Variants in DCAF6 observed in about 807,000 individuals in gnomAD.
The protein encoded by DCAF6 is DDB1- and CUL4-associated factor 6.
Under a neutral mutation model 125.1 loss-of-function variants are expected in DCAF6, and 54 were observed. That is an observed-to-expected ratio of 0.43 (90% CI 0.35 to 0.54). The LOEUF (loss-of-function observed/expected upper bound fraction) is 0.54, where lower values mean the gene tolerates loss of function less well. DCAF6 is among the 20% of genes least tolerant of loss of function. The pLI is 0.01. For synonymous variants in DCAF6, 371 were observed against 390.4 expected (o/e 0.95, Z 0.58); for missense variants, 934 against 1,161.7 (o/e 0.80, Z 2.85).
At chr1:167,973,667 T>C (rs1447337554) in intron 3 of DCAF6, among the ~76,000 whole-genome samples, 1 of 152,184 alleles carries the variant, frequency 6.6e-6, no homozygotes, top group African/African-American at 2.4e-5. Flanking sequence ...ATTTGTTCCA[T>C]GGAGATTTCA....
the DCAF6 span, among the ~76,000 whole-genome samples, chr1:167,895,593 T>A: frequency 1.3e-5 from 2 of 152,246 alleles, no homozygotes; most frequent in Admixed American, 1.3e-4. Context: ...TGACATCCAG[T>A]GGAAGTCGCC....
At chr1:168,035,370 C>T (rs1244610010) in intron 12 of DCAF6, among the ~76,000 whole-genome samples, 1 of 152,144 alleles carries the variant, frequency 6.6e-6, no homozygotes, top group African/African-American at 2.4e-5. Context: ...TCACCTTAGC[C>T]TGGGAAATTG....
At chr1:168,008,486 CA>C (rs139859129) in intron 10 of DCAF6, among the ~76,000 whole-genome samples, 2,298 of 152,186 alleles carry the variant, frequency 0.015, 53 homozygotes, top group African/African-American at 0.051. Context: ...TTCATCTCAC[CA>C]TCATTTCTTG....
the DCAF6 span, among the ~76,000 whole-genome samples, chr1:167,883,258 G>T: frequency 6.6e-6 from 1 of 152,160 alleles, no homozygotes; most frequent in Non-Finnish European, 1.5e-5. Flanking sequence ...GTCTGGTCTT[G>T]AACTCCTGAC....
the DCAF6 span, among the ~76,000 whole-genome samples, chr1:167,868,275 A>T: frequency 1.1e-4 from 17 of 152,338 alleles, no homozygotes; most frequent in Admixed American, 5.2e-4. Context: ...AAGCCCGAGA[A>T]TTAGTGCCTA....
At chr1:167,985,196 T>TGTGTGTGTGTGTGTG (rs897810220) in intron 4 of DCAF6, among the ~76,000 whole-genome samples, 30 of 150,048 alleles carry the variant, frequency 2.0e-4, no homozygotes, top group Middle Eastern at 3.4e-3. Context: ...TGTGTGTGTG[T>TGTGTGTGTGTGTGTG]GTGTGTGTGT....
chr1:167,869,975 C>T, the DCAF6 span, among the ~76,000 whole-genome samples: 2 of 152,156 alleles, frequency 1.3e-5, no homozygotes. Context: ...AACATCTATG[C>T]CAATTGTTCT....
intron 4 of DCAF6, among the ~76,000 whole-genome samples, chr1:167,983,209 G>A (rs1450145419): frequency 6.6e-6 from 1 of 152,124 alleles, no homozygotes; most frequent in Non-Finnish European, 1.5e-5. Flanking sequence ...AAATGATGTT[G>A]GTAGTTTGAT....
At position 168,025,292 on chromosome 1, in the gene DCAF6, A is replaced by T. The variant is rs137882219; in HGVS notation, c.1609+2245A>T. ...TATGATTAACTCCCAGATTTTTTAC[A>T]TCAGTGCCTGGGTAGGGTAAATGAT... On this transcript the variant is annotated intron_variant, in intron 12 of 21. Transcript: ENST00000367840. Among the ~76,000 whole-genome samples, 318 of 152,320 alleles carry T rather than the reference A, an allele frequency of 2.1e-3. 2 individuals carry two copies. The highest frequency in any genetic ancestry group is 7.1e-3 in the African/African-American group (297 of 41,590).
intron 1 of DCAF6, among the ~76,000 whole-genome samples, chr1:167,950,134 G>T (rs1673698277): frequency 6.6e-6 from 1 of 151,944 alleles, no homozygotes; most frequent in Non-Finnish European, 1.5e-5. Context: ...GACTGAAGTG[G>T]CTAGAGCCAT....
At chr1:167,920,419 C>A in the DCAF6 span, 1 of 969,640 alleles carries the variant, frequency 1.0e-6, no homozygotes, top group Non-Finnish European at 1.5e-6. Context: ...ACTTCCTAGA[C>A]ATAATACTGT....
At chr1:168,048,975 G>A (rs1018762249) in intron 16 of DCAF6, among the ~76,000 whole-genome samples, 1 of 152,108 alleles carries the variant, frequency 6.6e-6, no homozygotes, top group Admixed American at 6.6e-5. Context: ...GCCTCTACTG[G>A]CAAAAATCCA....
chr1:167,874,702 C>G, the DCAF6 span, among the ~76,000 whole-genome samples: 1 of 152,114 alleles, frequency 6.6e-6, no homozygotes, highest in Non-Finnish European at 1.5e-5. Context: ...GAACCAAAAA[C>G]TGGAAATAAC....
intron 10 of DCAF6, 80 bp from the exon 11 acceptor site, chr1:168,015,701 C>CT: frequency 8.0e-7 from 1 of 1,246,790 alleles, no homozygotes; most frequent in Non-Finnish European, 1.1e-6. Context: ...TATCCTTCTT[C>CT]TTTTTTAATG....
intron 14 of DCAF6, among the ~76,000 whole-genome samples, chr1:168,044,348 A>G (rs1411708972): frequency 2.0e-5 from 3 of 152,214 alleles, no homozygotes; most frequent in Non-Finnish European, 4.4e-5. Context: ...AAAGGAACAT[A>G]GATTTAAAAA....
chr1:167,998,110 G>A (rs1376188645), intron 7 of DCAF6, among the ~76,000 whole-genome samples: 1 of 152,106 alleles, frequency 6.6e-6, no homozygotes, highest in African/African-American at 2.4e-5. Flanking sequence ...GATATTGCAG[G>A]TTTGGTTCTA....
chr1:167,958,701 A>C (rs1400924677), intron 2 of DCAF6, among the ~76,000 whole-genome samples: 1 of 152,202 alleles, frequency 6.6e-6, no homozygotes, highest in East Asian at 1.9e-4. Context: ...AATGACAGTC[A>C]ATATTTAACG....
chr1:168,060,664 G>T (rs1282230255), intron 17 of DCAF6, among the ~76,000 whole-genome samples: 1 of 152,104 alleles, frequency 6.6e-6, no homozygotes, highest in African/African-American at 2.4e-5. Context: ...AGCTGAGGTG[G>T]GTGGATCACT....
intron 17 of DCAF6, among the ~76,000 whole-genome samples, chr1:168,055,521 A>G (rs1423695215): frequency 2.4e-5 from 2 of 82,528 alleles, no homozygotes; most frequent in East Asian, 2.4e-4. Flanking sequence ...TCCAATGGAA[A>G]GATCATTAAG....
Sources: allele counts gnomAD v4.1 joint callset (sites outside exome capture counted in the v4.1 genomes callset), GRCh38; gene constraint gnomAD v4.1.1; transcripts MANE v1.5; gene names NCBI Gene and HGNC (gene_info 2026-07-23, HGNC 2026-07-21).